Variants in PLXDC2 observed in about 807,000 individuals in gnomAD.
PLXDC2 encodes plexin domain containing 2.
Under a neutral mutation model 68.9 loss-of-function variants are expected in PLXDC2, and 40 were observed. The ratio of observed to expected loss-of-function variants is 0.58; its 90% CI spans 0.45 to 0.76. The LOEUF is 0.76. Ranked by LOEUF, PLXDC2 falls within the 30% of genes least tolerant of loss-of-function variation. The pLI is 0.00. For synonymous variants in PLXDC2, 243 were observed against 234.2 expected, an observed-to-expected ratio of 1.04 and a Z score of -0.34; for missense variants, 644 against 661.9, an observed-to-expected ratio of 0.97 and a Z score of 0.30.
chr10:20,266,137 A>G (rs1320929711), intron 13 of PLXDC2, among the ~76,000 whole-genome samples: 3 of 152,214 alleles, frequency 2.0e-5, no homozygotes, highest in African/African-American at 7.2e-5. Context: ...TAAGACGTTT[A>G]TTAGAGTAAT....
chr10:20,217,305 A>T, intron 10 of PLXDC2, 121 bp from the exon 11 acceptor site: 1 of 840,132 alleles, frequency 1.2e-6, no homozygotes, highest in Non-Finnish European at 1.7e-6. Context: ...GTACAAAAGT[A>T]ATTTATTCCT....
At chr10:20,197,592 G>A (rs945057404) in intron 9 of PLXDC2, among the ~76,000 whole-genome samples, 1 of 152,034 alleles carries the variant, frequency 6.6e-6, no homozygotes, top group Non-Finnish European at 1.5e-5. Flanking sequence ...TCTTGACCTC[G>A]TGATCCACCC....
At chr10:19,858,907 C>T (rs1837266092) in intron 1 of PLXDC2, among the ~76,000 whole-genome samples, 1 of 151,904 alleles carries the variant, frequency 6.6e-6, no homozygotes, top group Non-Finnish European at 1.5e-5. Flanking sequence ...CATGATTCTG[C>T]AGGCTATCAA....
At chr10:20,137,081 A>G (rs1017937181) in intron 4 of PLXDC2, among the ~76,000 whole-genome samples, 1 of 152,210 alleles carries the variant, frequency 6.6e-6, no homozygotes, top group African/African-American at 2.4e-5. Context: ...CCTTAACTCA[A>G]ACAAGAATAA....
intron 13 of PLXDC2, among the ~76,000 whole-genome samples, chr10:20,262,985 G>T (rs1390085781): frequency 6.6e-6 from 1 of 152,224 alleles, no homozygotes; most frequent in Non-Finnish European, 1.5e-5. Flanking sequence ...CAGTGGAACT[G>T]CCCTTGCCAC....
chr10:20,033,316 T>A (rs1252393721), intron 2 of PLXDC2, among the ~76,000 whole-genome samples: 1 of 152,200 alleles, frequency 6.6e-6, no homozygotes, highest in Non-Finnish European at 1.5e-5. Flanking sequence ...TGTAGAACCC[T>A]AATTCAATAT....
chr10:20,195,439 T>A (rs1348272757), intron 9 of PLXDC2, among the ~76,000 whole-genome samples: 10 of 152,124 alleles, frequency 6.6e-5, no homozygotes, highest in African/African-American at 2.4e-4. Context: ...GTGCAGTGGG[T>A]GCAAATCAAA....
At chr10:20,060,269 C>T (rs10827938) in intron 3 of PLXDC2, among the ~76,000 whole-genome samples, 117,504 of 151,934 alleles carry the variant, frequency 0.77, 45,779 homozygotes, top group East Asian at 0.9. Flanking sequence ...CTCAAGTGAT[C>T]CTCCTGCCTC....
chr10:19,943,416 A>G (rs1337256229), intron 1 of PLXDC2, among the ~76,000 whole-genome samples: 1 of 152,230 alleles, frequency 6.6e-6, no homozygotes, highest in East Asian at 1.9e-4. Context: ...TGTCTTCACT[A>G]TATTTCTCCC....
chr10:19,877,686 G>A (rs1342337867), intron 1 of PLXDC2, among the ~76,000 whole-genome samples: 4 of 152,222 alleles, frequency 2.6e-5, no homozygotes, highest in Admixed American at 2.6e-4. Flanking sequence ...TGACCTAATG[G>A]AGCAAAACTA....
intron 10 of PLXDC2, among the ~76,000 whole-genome samples, chr10:20,213,315 C>G (rs1192631647): frequency 6.6e-6 from 1 of 151,756 alleles, no homozygotes; most frequent in African/African-American, 2.4e-5. Context: ...GTTAACTAAT[C>G]CTTTCTTTTG....
intron 1 of PLXDC2, among the ~76,000 whole-genome samples, chr10:19,838,955 G>A (rs1836850876): frequency 6.6e-6 from 1 of 152,050 alleles, no homozygotes; most frequent in Non-Finnish European, 1.5e-5. Context: ...TGAGGCCGAG[G>A]CCAGTGGATC....
At chr10:19,922,639 G>A (rs1035768194) in intron 1 of PLXDC2, among the ~76,000 whole-genome samples, 5 of 152,178 alleles carry the variant, frequency 3.3e-5, no homozygotes, top group African/African-American at 1.2e-4. Context: ...CGGCTTAGTT[G>A]TATGGAACTC....
chr10:20,146,629 A>G (rs1372546929), intron 5 of PLXDC2, among the ~76,000 whole-genome samples: 1 of 151,416 alleles, frequency 6.6e-6, no homozygotes, highest in East Asian at 2.0e-4. Flanking sequence ...GGCTAAAAGC[A>G]CCAAGGTCAA....
chr10:19,920,066 T>C (rs1887035), intron 1 of PLXDC2, among the ~76,000 whole-genome samples: 112,697 of 152,162 alleles, frequency 0.74, 42,186 homozygotes, highest in African/African-American at 0.83. Context: ...GTATTTGCTA[T>C]CACTTTACCA....
chr10:19,835,493 A>G (rs1836772899), intron 1 of PLXDC2, among the ~76,000 whole-genome samples: 1 of 152,180 alleles, frequency 6.6e-6, no homozygotes, highest in Non-Finnish European at 1.5e-5. Context: ...CATACCAGTG[A>G]AGACAGCAAC....
chr10:20,082,065 A>AAAAAAAAAAAAAAAAAG (rs1836573384), intron 4 of PLXDC2, among the ~76,000 whole-genome samples: 1 of 46,820 alleles, frequency 2.1e-5, no homozygotes, highest in African/African-American at 1.2e-4. Flanking sequence ...AAAAAAAATC[A>AAAAAAAAAAAAAAAAAG]AAAAAAAAAA....
intron 4 of PLXDC2, among the ~76,000 whole-genome samples, chr10:20,089,149 T>A (rs1351330841): frequency 6.7e-6 from 1 of 148,958 alleles, no homozygotes; most frequent in Non-Finnish European, 1.5e-5. Context: ...GCTGTTAAAT[T>A]AAAAAAAAAC....
intron 2 of PLXDC2, among the ~76,000 whole-genome samples, chr10:20,026,845 A>G (rs1835413707): frequency 6.8e-6 from 1 of 147,242 alleles, no homozygotes; most frequent in Non-Finnish European, 1.5e-5. Context: ...ATATACTTTT[A>G]TAATATATTC....
Sources: allele counts gnomAD v4.1 joint callset (sites outside exome capture counted in the v4.1 genomes callset), GRCh38; gene constraint gnomAD v4.1.1; transcripts MANE v1.5; gene names NCBI Gene and HGNC (gene_info 2026-07-23, HGNC 2026-07-21).